Variants in NAALADL2 observed in about 807,000 individuals in gnomAD.
The protein encoded by NAALADL2 is inactive N-acetylated-alpha-linked acidic dipeptidase-like protein 2.
A neutral mutation model predicts 87.2 loss-of-function variants in NAALADL2; 76 were observed. The ratio of observed to expected loss-of-function variants is 0.87; its 90% CI spans 0.72 to 1.05. NAALADL2 has a LOEUF of 1.05. Among genes scored for constraint, NAALADL2 ranks in the 50% least tolerant of loss-of-function variants. NAALADL2 has a pLI of 0.00. For missense variants in NAALADL2, 1,089 were observed against 945.8 expected (o/e 1.15, Z -1.99); for synonymous variants, 354 against 331.0 (o/e 1.07, Z -0.75).
At chr3:174,825,015 G>A (rs981420214) in intron 3 of NAALADL2, among the ~76,000 whole-genome samples, 1 of 152,090 alleles carries the variant, frequency 6.6e-6, no homozygotes, top group African/African-American at 2.4e-5. Flanking sequence ...AGACACACTT[G>A]CCCTTTTTCA....
chr3:174,471,454 C>G (rs1300523320), intron 1 of NAALADL2, among the ~76,000 whole-genome samples: 1 of 152,052 alleles, frequency 6.6e-6, no homozygotes, highest in Non-Finnish European at 1.5e-5. Context: ...TGATAAAGAT[C>G]TTCTAATAAA....
At chr3:174,869,446 G>A (rs1309638727) in intron 1 of NAALADL2, among the ~76,000 whole-genome samples, 1 of 152,114 alleles carries the variant, frequency 6.6e-6, no homozygotes, top group Admixed American at 6.6e-5. Context: ...AGAAGATGAG[G>A]ACTTGGATTC....
At chr3:175,129,146 C>G (rs1175729617) in intron 2 of NAALADL2, among the ~76,000 whole-genome samples, 2 of 151,600 alleles carry the variant, frequency 1.3e-5, no homozygotes, top group Non-Finnish European at 2.9e-5. Context: ...AGGGTTTTGT[C>G]ATGTTGGCCA....
rs558227727 is a variant in NAALADL2 at position 175,169,301 on chromosome 3, G to A, written c.546-64630G>A. Among the ~76,000 whole-genome samples the A allele has an allele frequency of 2.0e-5, 3 of 151,600 alleles. No individual in the cohort carries two copies. The East Asian group carries it at 5.8e-4, about 29-fold the overall frequency. On this transcript the variant is annotated intron_variant, in intron 2 of 13. Coordinates refer to ENST00000454872, the MANE Select transcript of NAALADL2 (RefSeq NM_207015.3). ...CTCTGTTTTGGATATTTATATATGA[G>A]AGAAAAATATATTTCTGAAGTCTGG...
At chr3:174,824,064 T>A (rs1003566906) in intron 3 of NAALADL2, among the ~76,000 whole-genome samples, 20 of 152,306 alleles carry the variant, frequency 1.3e-4, no homozygotes, top group African/African-American at 4.8e-4. Flanking sequence ...AAAGCAGTAA[T>A]CACCATGCTA....
chr3:175,358,519 T>A (rs1465813398), intron 5 of NAALADL2, among the ~76,000 whole-genome samples: 1 of 151,480 alleles, frequency 6.6e-6, no homozygotes, highest in Admixed American at 6.6e-5. Context: ...AGGAAGACAG[T>A]CTCAAACAAG....
intron 1 of NAALADL2, among the ~76,000 whole-genome samples, chr3:174,911,335 G>C (rs1733681676): frequency 6.6e-6 from 1 of 152,086 alleles, no homozygotes; most frequent in Admixed American, 6.6e-5. Context: ...ATTAAATGTG[G>C]AAGAAAAAAT....
At chr3:174,986,524 T>C (rs971173268) in intron 1 of NAALADL2, among the ~76,000 whole-genome samples, 1 of 151,998 alleles carries the variant, frequency 6.6e-6, no homozygotes, top group African/African-American at 2.4e-5. Context: ...TGGTGGAAAC[T>C]AGACCATAGT....
At chr3:174,996,004 G>T (rs73881589) in intron 1 of NAALADL2, among the ~76,000 whole-genome samples, 2 of 152,092 alleles carry the variant, frequency 1.3e-5, no homozygotes, top group Non-Finnish European at 2.9e-5. Flanking sequence ...CACAGGTAAT[G>T]GAGTTGTTCC....
At chr3:175,502,856 A>G (rs1207662576) in intron 9 of NAALADL2, among the ~76,000 whole-genome samples, 1 of 152,004 alleles carries the variant, frequency 6.6e-6, no homozygotes. Context: ...ACCCATACAG[A>G]AGTTAGATAT....
At chr3:175,083,648 C>A (rs1342377595) in intron 1 of NAALADL2, among the ~76,000 whole-genome samples, 1 of 152,104 alleles carries the variant, frequency 6.6e-6, no homozygotes, top group Non-Finnish European at 1.5e-5. Context: ...CTAATAGTTA[C>A]ATAGGATTTT....
chr3:174,691,227 C>A (rs370800815), intron 2 of NAALADL2, among the ~76,000 whole-genome samples: 76 of 152,176 alleles, frequency 5.0e-4, no homozygotes, highest in African/African-American at 1.6e-3. Context: ...GCCTGTCCAA[C>A]ATGGCAAAAC....
chr3:175,147,518 T>G (rs1331042299), intron 2 of NAALADL2, among the ~76,000 whole-genome samples: 1 of 152,144 alleles, frequency 6.6e-6, no homozygotes, highest in Non-Finnish European at 1.5e-5. Context: ...TGATGATATG[T>G]TTTTGCTATT....
At chr3:174,779,570 A>T (rs1715677696) in intron 3 of NAALADL2, among the ~76,000 whole-genome samples, 1 of 152,136 alleles carries the variant, frequency 6.6e-6, no homozygotes, top group Non-Finnish European at 1.5e-5. Context: ...CCTGAATGGT[A>T]TTGCCTATGT....
intron 2 of NAALADL2, among the ~76,000 whole-genome samples, chr3:175,116,671 T>C (rs1222730276): frequency 1.3e-5 from 2 of 152,082 alleles, no homozygotes; most frequent in African/African-American, 4.8e-5. Flanking sequence ...ATGTAATTTA[T>C]GGATTCAATG....
intron 2 of NAALADL2, among the ~76,000 whole-genome samples, chr3:175,222,880 T>G (rs1387278014): frequency 6.6e-6 from 1 of 152,124 alleles, no homozygotes; most frequent in Non-Finnish European, 1.5e-5. Flanking sequence ...ATTTTTCAAA[T>G]CTCTTTACTG....
At chr3:175,165,010 A>T (rs1483638386) in intron 2 of NAALADL2, among the ~76,000 whole-genome samples, 1 of 152,156 alleles carries the variant, frequency 6.6e-6, no homozygotes, top group African/African-American at 2.4e-5. Flanking sequence ...TATCTACTGC[A>T]CACCGCTCTG....
chr3:174,665,438 A>G (rs747163739), intron 2 of NAALADL2, among the ~76,000 whole-genome samples: 15 of 152,084 alleles, frequency 9.9e-5, no homozygotes, highest in East Asian at 1.9e-4. Flanking sequence ...TACTACCTTT[A>G]TTATTTGTAG....
At chr3:175,379,488 G>A (rs538714304) in intron 5 of NAALADL2, among the ~76,000 whole-genome samples, 1 of 150,470 alleles carries the variant, frequency 6.6e-6, no homozygotes, top group Non-Finnish European at 1.5e-5. Flanking sequence ...TTTACGTCTC[G>A]TATGGTTTCT....
Sources: allele counts gnomAD v4.1 joint callset (sites outside exome capture counted in the v4.1 genomes callset), GRCh38; gene constraint gnomAD v4.1.1; transcripts MANE v1.5; gene names NCBI Gene and HGNC (gene_info 2026-07-23, HGNC 2026-07-21).